The following CHCHD6 variants were observed in gnomAD, a reference collection of about 807,000 sequenced individuals.
CHCHD6 encodes the protein MICOS complex subunit MIC25.
A neutral mutation model predicts 32.3 loss-of-function variants in CHCHD6; 28 were observed. The observed-to-expected ratio is 0.87, with a 90% CI of 0.64 to 1.19. The LOEUF (loss-of-function observed/expected upper bound fraction) is 1.19, where lower values mean the gene tolerates loss of function less well. Among genes scored for constraint, CHCHD6 ranks in the 50% most tolerant of loss-of-function variants. The probability of loss-of-function intolerance (pLI) is 0.00; values close to 1 mark genes in which losing one functional copy is unlikely to be tolerated. For synonymous variants in CHCHD6, 122 were observed against 117.5 expected (o/e 1.04, Z -0.25); for missense variants, 333 against 307.0 (o/e 1.08, Z -0.63).
chr3:126,810,296 G>A (rs1465322147), intron 4 of CHCHD6, among the ~76,000 whole-genome samples: 1 of 152,200 alleles, frequency 6.6e-6, no homozygotes, highest in East Asian at 1.9e-4. Flanking sequence ...ATTAATACGG[G>A]ATGGGAGACT....
chr3:126,705,017 C>T (rs1321597803), intron 1 of CHCHD6, among the ~76,000 whole-genome samples: 1 of 152,138 alleles, frequency 6.6e-6, no homozygotes, highest in African/African-American at 2.4e-5. Flanking sequence ...CGCGTGGCAC[C>T]CGCACCTCGT....
chr3:126,912,340 G>A (rs1332562509), intron 5 of CHCHD6, among the ~76,000 whole-genome samples: 1 of 152,226 alleles, frequency 6.6e-6, no homozygotes, highest in Non-Finnish European at 1.5e-5. Context: ...CCTCGCCCAG[G>A]ACAGGCAGTG....
intron 4 of CHCHD6, among the ~76,000 whole-genome samples, chr3:126,753,337 C>T (rs146299154): frequency 1.6e-4 from 24 of 152,256 alleles, no homozygotes; most frequent in African/African-American, 5.3e-4. Flanking sequence ...AGTCAAGGTT[C>T]GGCAGCAGGA....
intron 3 of CHCHD6, among the ~76,000 whole-genome samples, chr3:126,732,285 C>G (rs958697233): frequency 3.3e-5 from 5 of 152,130 alleles, no homozygotes; most frequent in African/African-American, 1.2e-4. Flanking sequence ...TTCTTCTCCA[C>G]CCAGTCCCCT....
At chr3:126,716,916 T>C (rs9847751) in intron 1 of CHCHD6, among the ~76,000 whole-genome samples, 31,217 of 152,062 alleles carry the variant, frequency 0.21, 3,485 homozygotes, top group South Asian at 0.35. Context: ...CTGGCCTTTC[T>C]ACAGCAATCT....
At chr3:126,839,021 TG>T (rs1246381683) in intron 4 of CHCHD6, among the ~76,000 whole-genome samples, 1 of 151,960 alleles carries the variant, frequency 6.6e-6, no homozygotes, top group Admixed American at 6.6e-5. Flanking sequence ...CCTGAGTAGC[TG>T]GGGCTACAGG....
intron 4 of CHCHD6, among the ~76,000 whole-genome samples, chr3:126,797,923 GTCC>G (rs1179446229): frequency 6.6e-6 from 1 of 152,240 alleles, no homozygotes; most frequent in East Asian, 1.9e-4. Flanking sequence ...TCTGGCTCCA[GTCC>G]TCCTTGTCGA....
chr3:126,957,593 A>T lies in CHCHD6; in HGVS notation c.702+42A>T, dbSNP rs749696724. 28 of 1,546,020 alleles carry T rather than the reference A, an allele frequency of 1.8e-5. No homozygotes were observed. In the South Asian group the frequency reaches 3.3e-4, roughly 18 times the overall value. On this transcript the variant is annotated intron_variant, in intron 7 of 7. Transcript: ENST00000290913. ...CTCCCAGGTTTCCAAGGGCCTTGGGAGGTAGGCGAGGTACCTCTATCTAGC... is the reference window on the plus strand; with the variant it reads ...CTCCCAGGTTTCCAAGGGCCTTGGGTGGTAGGCGAGGTACCTCTATCTAGC...
chr3:126,765,585 C>G (rs975249527), intron 4 of CHCHD6, among the ~76,000 whole-genome samples: 1 of 152,204 alleles, frequency 6.6e-6, no homozygotes. Flanking sequence ...AAAAAGGAGA[C>G]CAAAGCACAA....
At chr3:126,728,402 G>A (rs546706423) in intron 2 of CHCHD6, among the ~76,000 whole-genome samples, 55 of 152,294 alleles carry the variant, frequency 3.6e-4, no homozygotes, top group Non-Finnish European at 7.1e-4. Context: ...GCGGAGGTCC[G>A]GCGACAGGGT....
At chr3:126,892,950 G>T (rs1269078661) in intron 5 of CHCHD6, among the ~76,000 whole-genome samples, 1 of 151,074 alleles carries the variant, frequency 6.6e-6, no homozygotes, top group Non-Finnish European at 1.5e-5. Context: ...TTTTGTTGTT[G>T]TTGTTGTTTT....
intron 6 of CHCHD6, among the ~76,000 whole-genome samples, chr3:126,915,608 A>C (rs1319934847): frequency 6.6e-6 from 1 of 152,226 alleles, no homozygotes; most frequent in Non-Finnish European, 1.5e-5. Context: ...GGCAGCCCTC[A>C]GGGCACAGAA....
intron 4 of CHCHD6, among the ~76,000 whole-genome samples, chr3:126,756,524 A>C (rs1288776476): frequency 6.6e-6 from 1 of 152,160 alleles, no homozygotes; most frequent in African/African-American, 2.4e-5. Context: ...AGTGTTTTTC[A>C]GGATTGCCTC....
chr3:126,810,694 A>G (rs771100859), intron 4 of CHCHD6, among the ~76,000 whole-genome samples: 3 of 152,186 alleles, frequency 2.0e-5, no homozygotes, highest in Non-Finnish European at 2.9e-5. Context: ...ATTAGGGGAA[A>G]CTGGGTGGGG....
chr3:126,955,531 T>C (rs746140), intron 6 of CHCHD6, among the ~76,000 whole-genome samples: 86,030 of 152,190 alleles, frequency 0.57, 26,407 homozygotes, highest in Non-Finnish European at 0.69. Context: ...TGGCCTCCCC[T>C]GGCAGGAAGG....
intron 6 of CHCHD6, among the ~76,000 whole-genome samples, chr3:126,916,099 A>G (rs528782175): frequency 2.6e-5 from 4 of 152,276 alleles, no homozygotes; most frequent in South Asian, 4.1e-4. Context: ...GGGAAAGAGA[A>G]AATAATTATC....
intron 4 of CHCHD6, among the ~76,000 whole-genome samples, chr3:126,757,410 C>T (rs994644639): frequency 6.6e-6 from 1 of 151,990 alleles, no homozygotes; most frequent in Non-Finnish European, 1.5e-5. Context: ...GGTGGTGGGG[C>T]AGGGGGGCTC....
At chr3:126,854,179 G>T (rs1175320219) in intron 5 of CHCHD6, among the ~76,000 whole-genome samples, 1 of 152,172 alleles carries the variant, frequency 6.6e-6, no homozygotes, top group Non-Finnish European at 1.5e-5. Context: ...GGAAATTCTG[G>T]ATGAGTCTTC....
chr3:126,941,502 G>T (rs144171876), intron 6 of CHCHD6, among the ~76,000 whole-genome samples: 1 of 152,150 alleles, frequency 6.6e-6, no homozygotes, highest in African/African-American at 2.4e-5. Flanking sequence ...GAATCACTTT[G>T]TCAAACTTTC....
Sources: allele counts gnomAD v4.1 joint callset (sites outside exome capture counted in the v4.1 genomes callset), GRCh38; gene constraint gnomAD v4.1.1; transcripts MANE v1.5; gene names NCBI Gene and HGNC (gene_info 2026-07-23, HGNC 2026-07-21).